The following LINGO2 variants were observed in gnomAD, a reference collection of about 807,000 sequenced individuals.
LINGO2 encodes the protein leucine rich repeat and Ig domain containing 2.
A neutral mutation model predicts 30.6 loss-of-function variants in LINGO2; 14 were observed. The observed-to-expected ratio is 0.46, with a 90% CI of 0.30 to 0.72. The LOEUF (loss-of-function observed/expected upper bound fraction) is 0.72. Among genes scored for constraint, LINGO2 ranks in the 30% least tolerant of loss-of-function variants. The probability of loss-of-function intolerance (pLI) is 0.07; values close to 1 mark genes in which losing one functional copy is unlikely to be tolerated. For synonymous variants in LINGO2, 317 were observed against 288.5 expected, an observed-to-expected ratio of 1.10 and a Z score of -1.00; for missense variants, 729 against 751.7, an observed-to-expected ratio of 0.97 and a Z score of 0.35.
At chr9:28,444,861 A>G (rs1041316251) in intron 2 of LINGO2, among the ~76,000 whole-genome samples, 2 of 152,170 alleles carry the variant, frequency 1.3e-5, no homozygotes, top group African/African-American at 2.4e-5. Flanking sequence ...CAGCCTTAGC[A>G]GGTGTGGGAT....
chr9:28,862,157 C>A, the LINGO2 span, among the ~76,000 whole-genome samples: 3 of 152,044 alleles, frequency 2.0e-5, no homozygotes, highest in South Asian at 6.2e-4. Flanking sequence ...TCCCACCTGT[C>A]CTCACACATC....
chr9:28,928,621 T>C, the LINGO2 span, among the ~76,000 whole-genome samples: 1 of 152,238 alleles, frequency 6.6e-6, no homozygotes, highest in African/African-American at 2.4e-5. Context: ...TTTCATTCTC[T>C]ATAGTTTTGC....
At chr9:28,001,941 T>G (rs2119146230) in intron 5 of LINGO2, among the ~76,000 whole-genome samples, 1 of 152,320 alleles carries the variant, frequency 6.6e-6, no homozygotes, top group Non-Finnish European at 1.5e-5. Flanking sequence ...TGAGAAAAAC[T>G]TGCCACACCA....
chr9:28,285,492 G>A (rs1357772928), intron 4 of LINGO2, among the ~76,000 whole-genome samples: 7 of 134,332 alleles, frequency 5.2e-5, no homozygotes, highest in South Asian at 2.5e-4. Flanking sequence ...TGCAAGGTCC[G>A]CCTCCCGGGT....
intron 1 of LINGO2, among the ~76,000 whole-genome samples, chr9:28,588,059 T>G (rs1013433420): frequency 3.9e-5 from 6 of 152,008 alleles, no homozygotes; most frequent in Non-Finnish European, 8.8e-5. Context: ...TGGCTCTCAG[T>G]TCTTTATCTC....
chr9:29,132,215 G>A, the LINGO2 span, among the ~76,000 whole-genome samples: 44 of 152,100 alleles, frequency 2.9e-4, 1 homozygote, highest in Admixed American at 2.5e-3. Flanking sequence ...TTCCTCGAGG[G>A]GGGGAAATGA....
chr9:29,196,344 CA>C, the LINGO2 span, among the ~76,000 whole-genome samples: 1 of 152,010 alleles, frequency 6.6e-6, no homozygotes, highest in South Asian at 2.1e-4. Flanking sequence ...AAGACATCTA[CA>C]ATAGCATCAG....
intron 1 of LINGO2, 38 bp from the exon 4 acceptor site, chr9:28,476,063 C>T (rs1309745837): frequency 2.6e-5 from 4 of 152,474 alleles, no homozygotes; most frequent in Non-Finnish European, 4.4e-5. Flanking sequence ...AAATGACACT[C>T]GCTTGCTTCA....
At chr9:28,825,891 C>G in the LINGO2 span, among the ~76,000 whole-genome samples, 6 of 152,126 alleles carry the variant, frequency 3.9e-5, no homozygotes. Flanking sequence ...GACTATTTTT[C>G]TGAGCAGAAT....
chr9:28,173,525 CA>C (rs1828661176), intron 4 of LINGO2, among the ~76,000 whole-genome samples: 1 of 152,108 alleles, frequency 6.6e-6, no homozygotes, highest in South Asian at 2.1e-4. Context: ...ATAAGATGAG[CA>C]ACTCATCTAC....
intron 4 of LINGO2, among the ~76,000 whole-genome samples, chr9:28,197,145 T>C (rs1477497866): frequency 1.3e-5 from 2 of 152,026 alleles, no homozygotes; most frequent in African/African-American, 4.8e-5. Flanking sequence ...TGCATACTTA[T>C]ATCAAAGCAT....
rs1434121237 is a variant in LINGO2, at chr9:28,222,931, G to A, written c.-87+72277C>T. Among the ~76,000 whole-genome samples, 5 of 152,270 alleles carry A rather than the reference G, an allele frequency of 3.3e-5. No homozygotes were observed. In the East Asian group the frequency reaches 9.7e-4, roughly 29 times the overall value. ...TCGGGGAACAGCTGGAGTTTACCTAGTTAGTCAGAGGAATGAAATCATTAT... is the reference window on the plus strand; with the variant it reads ...TCGGGGAACAGCTGGAGTTTACCTAATTAGTCAGAGGAATGAAATCATTAT... On this transcript the variant is annotated intron_variant, in intron 4 of 5. Coordinates refer to ENST00000379992, the Ensembl canonical transcript of LINGO2.
At chr9:29,107,250 A>G in the LINGO2 span, among the ~76,000 whole-genome samples, 6 of 152,180 alleles carry the variant, frequency 3.9e-5, 1 homozygote, top group South Asian at 8.3e-4. Context: ...CATACTTACA[A>G]ATTCACAAAG....
the LINGO2 span, among the ~76,000 whole-genome samples, chr9:28,894,301 T>C: frequency 6.6e-6 from 1 of 152,134 alleles, no homozygotes; most frequent in African/African-American, 2.4e-5. Flanking sequence ...GTTGCTGTTA[T>C]ATTGATTTTA....
At chr9:29,119,241 G>A in the LINGO2 span, among the ~76,000 whole-genome samples, 1 of 152,126 alleles carries the variant, frequency 6.6e-6, no homozygotes, top group African/African-American at 2.4e-5. Flanking sequence ...GAAAACAAAA[G>A]AGTGAAGTGG....
chr9:28,872,426 C>A, the LINGO2 span, among the ~76,000 whole-genome samples: 1 of 151,946 alleles, frequency 6.6e-6, no homozygotes, highest in Non-Finnish European at 1.5e-5. Context: ...AACAATTAAA[C>A]TATAATGGGG....
chr9:28,330,742 C>T (rs1399290471), intron 3 of LINGO2, among the ~76,000 whole-genome samples: 3 of 152,270 alleles, frequency 2.0e-5, no homozygotes, highest in African/African-American at 7.2e-5. Context: ...CATCTTTTAA[C>T]ATCCTGTTTC....
chr9:29,100,791 T>C, the LINGO2 span, among the ~76,000 whole-genome samples: 7 of 152,192 alleles, frequency 4.6e-5, no homozygotes, highest in Non-Finnish European at 1.0e-4. Flanking sequence ...AATGTGATTA[T>C]TATGTATTGC....
intron 1 of LINGO2, among the ~76,000 whole-genome samples, chr9:28,627,837 T>C (rs1264937472): frequency 6.6e-6 from 1 of 152,096 alleles, no homozygotes; most frequent in African/African-American, 2.4e-5. Context: ...GTAAAGATGA[T>C]AGTACAAGCT....
Sources: allele counts gnomAD v4.1 joint callset (sites outside exome capture counted in the v4.1 genomes callset), GRCh38; gene constraint gnomAD v4.1.1; transcripts MANE v1.5; gene names NCBI Gene and HGNC (gene_info 2026-07-23, HGNC 2026-07-21).